MYH14: variants seen among roughly 807,000 people sequenced by gnomAD.
MYH14 encodes the protein myosin-14.
In MYH14, 123 loss-of-function variants were observed where a neutral mutation model predicts 255.5. The observed-to-expected ratio is 0.48, with a 90% CI of 0.42 to 0.56. The LOEUF (loss-of-function observed/expected upper bound fraction) is 0.56. MYH14 is among the 20% of genes least tolerant of loss of function. The probability of loss-of-function intolerance (pLI) is 0.00; values close to 1 mark genes in which losing one functional copy is unlikely to be tolerated. For synonymous variants in MYH14, 1,095 were observed against 1,161.2 expected (o/e 0.94, Z 1.16); for missense variants, 2,423 against 2,802.3 (o/e 0.86, Z 3.06).
In MYH14 at chr19:50,268,179, C is replaced by G. The variant is rs755994602; in HGVS notation, c.2845C>G (p.Arg949Gly). 3 of 1,548,836 alleles carry G rather than the reference C, an allele frequency of 1.9e-6. No individual in the cohort carries two copies. The highest frequency in any genetic ancestry group is 1.7e-6 in the Non-Finnish European group (2 of 1,147,682). Residue 949 changes from arginine to glycine, a missense_variant, in exon 24 of 43, where the codon CGC becomes GGC. By Grantham distance (125) the Arg-to-Gly change is moderately radical. This residue lies in a region of MYH14 where 1,513 missense variants were observed against 1,674.8 expected (regional missense o/e 0.90). Coordinates refer to ENST00000642316, the MANE Select transcript of MYH14 (RefSeq NM_001145809.2). ...RVAQLEEERA[R>G]LAEQLRAEAE... The stretch of plus-strand genomic sequence containing the variant: ...TCCCCAGCTGGAAGAGGAGCGCGCC[C>G]GCCTGGCAGAGCAATTGCGAGCAGA...
At chr19:50,224,960 G>C in intron 6 of MYH14, 1 of 404,942 alleles carries the variant, frequency 2.5e-6, no homozygotes, top group South Asian at 1.8e-5. Flanking sequence ...TTAAAAAGTA[G>C]CTGGGCATGG....
chr19:50,288,698 C>T (rs993231882), intron 34 of MYH14, among the ~76,000 whole-genome samples: 20 of 152,110 alleles, frequency 1.3e-4, no homozygotes, highest in Non-Finnish European at 2.6e-4. Context: ...CAGTTCAGTG[C>T]GGGAGGCGGG....
Position 50,276,004 on chromosome 19 carries a change from G to A in MYH14, c.3481G>A (p.Gly1161Ser). 6.2e-7 allele frequency: 1 copy of A among 1,612,652 alleles called. No homozygotes were observed. The highest frequency in any genetic ancestry group is 8.5e-7 in the Non-Finnish European group (1 of 1,179,528). The change falls in exon 28 of 43, where the codon GGT becomes AGT. Residue 1161 changes from glycine to serine, a missense_variant. Gly to Ser is a moderately conservative substitution (Grantham distance 56). Coordinates refer to ENST00000642316, the MANE Select transcript of MYH14 (RefSeq NM_001145809.2). This position sits in a 1 kb window ranked among gnomAD's most constrained non-coding sequence, Gnocchi z 4.3. ...TGTCACCCCCAGGGCAGAAGACGAG[G>A]GTGGGGCCCGGGCCCAGCTGCTGAA... is the stretch of plus-strand genomic sequence containing the variant. The part of the protein sequence containing the change: ...QAALARAEDE[G>S]GARAQLLKSL...
rs1417114679 is a variant in MYH14 at position 50,268,230 on chromosome 19, G to A, written c.2896G>A (p.Glu966Lys). 2.6e-6 allele frequency: 4 copies of A among 1,563,716 alleles called. No individual in the cohort carries two copies. The highest frequency in any genetic ancestry group is 1.9e-5 in the Admixed American group (1 of 52,488). The stretch of plus-strand genomic sequence containing the variant: ...GGCAGAACTGTGTGCAGAGGCCGAG[G>A]AGACGCGGGGGAGGCTGGCAGCCCG... Reference protein sequence around the residue: ...AEAELCAEAEETRGRLAARKQ... With the variant: ...AEAELCAEAEKTRGRLAARKQ... Residue 966 changes from glutamate (E) to lysine (K), a missense_variant, in exon 24 of 43, where the codon GAG (glutamate) becomes AAG (lysine). Physicochemically the swap from Glu to Lys is moderately conservative, Grantham distance 56 (BLOSUM62 1). Transcript: ENST00000642316.
Position 50,289,463 on chromosome 19 carries a change from G to C in MYH14, c.4780G>C (p.Val1594Leu). ...GCATGAGCTGGAACGAGCCTGCCGG[G>C]TAGCAGAACAGGCAGCCAATGATCT... ...SVHELERACRVAEQAANDLRA... is the reference protein window; with the variant it reads ...SVHELERACRLAEQAANDLRA... Residue 1594 changes from valine (V) to leucine (L), a missense_variant, in exon 35 of 43, where the codon GTA becomes CTA. By Grantham distance (32) the Val-to-Leu change is conservative. This residue lies in a region of MYH14 where 1,513 missense variants were observed against 1,674.8 expected (regional missense o/e 0.90). Coordinates refer to ENST00000642316, the MANE Select transcript of MYH14 (RefSeq NM_001145809.2). The C allele has an allele frequency of 6.2e-7, 1 of 1,611,934 alleles. No homozygotes were observed. The highest frequency in any genetic ancestry group is 8.5e-7 in the Non-Finnish European group (1 of 1,179,204).
chr19:50,251,200 A>G (rs2034356563), intron 15 of MYH14, among the ~76,000 whole-genome samples: 1 of 152,128 alleles, frequency 6.6e-6, no homozygotes, highest in Non-Finnish European at 1.5e-5. Flanking sequence ...CTCAAATCTC[A>G]GTCAAGGGCC....
At position 50,309,686 on chromosome 19, in the gene MYH14, C is replaced by G; in HGVS notation, c.6007C>G (p.Arg2003Gly). 1 of 1,609,832 alleles carries G rather than the reference C, an allele frequency of 6.2e-7. No homozygotes were observed. The highest frequency in any genetic ancestry group is 8.5e-7 in the Non-Finnish European group (1 of 1,178,370). The change falls in exon 43 of 43, where the codon CGA (arginine) becomes GGA (glycine). Residue 2003 changes from arginine (R) to glycine (G), a missense_variant. Transcript: ENST00000642316. ...FTTRTVRQVF[R>G]LEEGVASDEE... ...CACCCGCACGGTGCGCCAGGTCTTC[C>G]GACTAGAGGAGGGCGTGGCATCCGA...
intron 36 of MYH14, 52 bp from the exon 37 acceptor site, chr19:50,292,209 C>A: frequency 6.5e-7 from 1 of 1,530,898 alleles, no homozygotes; most frequent in Admixed American, 2.1e-5. Flanking sequence ...TGGAGGAGTT[C>A]CCTGTGCTGT....
chr19:50,290,966 G>A lies in MYH14; in HGVS notation c.5045G>A (p.Gly1682Glu). ...GTGGCTGCCCGCAAGAAGCTGGAGG[G>A]AGAGCTGGAGGAGCTGAAGGCTCAG... ...LAVAARKKLE[G>E]ELEELKAQMA... The change falls in exon 36 of 43, where the codon GGA (glycine) becomes GAA (glutamate). Residue 1682 changes from glycine to glutamate, a missense_variant. By Grantham distance (98) the Gly-to-Glu change is moderately conservative (BLOSUM62 -2). Coordinates refer to ENST00000642316, the MANE Select transcript of MYH14 (RefSeq NM_001145809.2). 6.2e-7 allele frequency: 1 copy of A among 1,606,572 alleles called. No homozygotes were observed. Among genetic ancestry groups the A allele is most frequent in the Non-Finnish European group, 8.5e-7 (1 of 1,177,064 alleles).
chr19:50,245,368 C>T (rs1004694558), intron 11 of MYH14, among the ~76,000 whole-genome samples: 42 of 143,474 alleles, frequency 2.9e-4, no homozygotes, highest in African/African-American at 9.8e-4. Flanking sequence ...GCAGTTGAGC[C>T]GAGATTGTGC....
intron 10 of MYH14, among the ~76,000 whole-genome samples, chr19:50,242,159 G>A (rs527242745): frequency 1.8e-4 from 28 of 152,152 alleles, no homozygotes; most frequent in African/African-American, 3.4e-4. Context: ...AGAAACACCC[G>A]ACCCCTCCAC....
chr19:50,208,334 G>A (rs2031942932), intron 1 of MYH14, among the ~76,000 whole-genome samples: 1 of 152,166 alleles, frequency 6.6e-6, no homozygotes, highest in Non-Finnish European at 1.5e-5. Flanking sequence ...AGAATCTCTT[G>A]AAACCGGGAG....
At chr19:50,290,205 C>G (rs1055503339) in intron 35 of MYH14, among the ~76,000 whole-genome samples, 8 of 152,048 alleles carry the variant, frequency 5.3e-5, no homozygotes, top group African/African-American at 1.9e-4. Context: ...CTCAGCACCC[C>G]CTGCTGACTC....
At position 50,267,623 on chromosome 19, in the gene MYH14, A is replaced by AAAAAATAATAATAATAATAAT. The variant is rs138463829; in HGVS notation, c.2827-536_2827-535insAAATAATAATAATAATAATAA. On this transcript the variant is annotated intron_variant, in intron 23 of 42. Coordinates refer to ENST00000642316, the MANE Select transcript of MYH14 (RefSeq NM_001145809.2). ...TCGGCAGAGTGAGACTCTGTCTCAAAAATAATAATAATAATAATAATAATG... is the reference window on the plus strand; with the variant it reads ...TCGGCAGAGTGAGACTCTGTCTCAAAAAAAATAATAATAATAATAATAATAATAATAATAATAATAATAATG... Among the ~76,000 whole-genome samples, 733 of 149,200 alleles carry AAAAAATAATAATAATAATAAT rather than the reference A, an allele frequency of 4.9e-3. 1 individual carries two copies. The highest frequency in any genetic ancestry group is 0.01 in the Middle Eastern group (3 of 292).
intron 10 of MYH14, among the ~76,000 whole-genome samples, chr19:50,240,032 G>A (rs921630369): frequency 5.3e-5 from 8 of 152,112 alleles, no homozygotes; most frequent in Non-Finnish European, 8.8e-5. Flanking sequence ...CCATTATTCC[G>A]ACTTCTAAGA....
rs10417048 is a variant in MYH14 at position 50,306,103 on chromosome 19, A to G, written c.5679-946A>G. ...AGACCAGCCTGACCAACATGGAGAAACCCTGTCTCTACTAAAAATACAAAA... is the reference window on the plus strand; with the variant it reads ...AGACCAGCCTGACCAACATGGAGAAGCCCTGTCTCTACTAAAAATACAAAA... On this transcript the variant is annotated intron_variant, in intron 40 of 42. Coordinates refer to ENST00000642316, the MANE Select transcript of MYH14 (RefSeq NM_001145809.2). Among the ~76,000 whole-genome samples the G allele has an allele frequency of 5.4e-3, 827 of 152,058 alleles. 6 individuals are homozygous for G. The highest frequency in any genetic ancestry group is 0.019 in the African/African-American group (776 of 41,474).
In MYH14 at chr19:50,250,792, A is replaced by C. The variant is rs2034342517; in HGVS notation, c.1830+104A>C. The C allele has an allele frequency of 7.3e-6, 9 of 1,226,658 alleles. No homozygotes were observed. The South Asian group carries it at 1.3e-4, about 18-fold the overall frequency. 76.0% of individuals were successfully genotyped at this position (1,226,658 alleles called of 1,614,324 possible). A position where few individuals can be genotyped will look rare whatever the true frequency, so the allele number is the denominator to read the frequency against. ...GCAGAGGGAAAACAGGGTCCTCCTG[A>C]GGTCCAGACAAACAGAGCAGGGGCT... is the stretch of plus-strand genomic sequence containing the variant. On this transcript the variant is annotated intron_variant, in intron 15 of 42. Transcript: ENST00000642316. This position sits in a 1 kb window ranked among gnomAD's most constrained non-coding sequence, Gnocchi z 5.4.
rs2032196603 is a variant in MYH14 at position 50,211,584 on chromosome 19, CATTTTACAG to C, written c.405+815_405+823del. 2.6e-5 allele frequency among the ~76,000 whole-genome samples: 4 copies of C among 152,152 alleles called. No homozygotes were observed. The South Asian group carries it at 8.3e-4, about 32-fold the overall frequency. On this transcript the variant is annotated intron_variant, in intron 2 of 42. Coordinates refer to ENST00000642316, the MANE Select transcript of MYH14 (RefSeq NM_001145809.2). ...TCAGAATTATAAAGCATCTGATCCT[CATTTTACAG>C]GTAAGAAAACTGAGGCACAGAGAGT... is the stretch of plus-strand genomic sequence containing the variant.
chr19:50,301,722 G>A lies in MYH14; in HGVS notation c.5531G>A (p.Gly1844Glu), dbSNP rs932485163. The change falls in exon 40 of 43, where the codon GGG (glycine) becomes GAG (glutamate). Residue 1844 changes from glycine (G) to glutamate (E), a missense_variant. Gly to Glu is a moderately conservative substitution (Grantham distance 98). Coordinates refer to ENST00000642316, the MANE Select transcript of MYH14 (RefSeq NM_001145809.2). Reference protein sequence around the residue: ...ERSFSAKAESGRQQLERQIQE... With the variant: ...ERSFSAKAESERQQLERQIQE... ...AGTTTCTCAGCCAAGGCAGAGAGCG[G>A]GCGGCAGCAGCTGGAACGGCAGATC... 1.9e-6 allele frequency: 3 copies of A among 1,613,918 alleles called. No individual in the cohort carries two copies. The highest frequency in any genetic ancestry group is 2.5e-6 in the Non-Finnish European group (3 of 1,179,834).
Sources: gnomAD v4.1 joint callset for allele counts (sites outside exome capture counted in the v4.1 genomes callset) on GRCh38, gnomAD v4.1.1 for gene constraint, gnomAD v4.1.1 regional missense constraint, Gnocchi (gnomAD v3.1) non-coding constraint, MANE v1.5 for transcripts, NCBI Gene and HGNC (gene_info 2026-07-23, HGNC 2026-07-21) for gene names.